GCNT3: variants seen among roughly 807,000 people sequenced by gnomAD.
GCNT3 encodes glucosaminyl (N-acetyl) transferase 3, mucin type.
For synonymous variants in GCNT3, 269 were observed against 195.2 expected (o/e 1.38, Z -3.15); for missense variants, 708 against 530.3 (o/e 1.34, Z -3.29).
chr15:59,614,539 C>G (rs1316173874), intron 1 of GCNT3, among the ~76,000 whole-genome samples: 1 of 152,178 alleles, frequency 6.6e-6, no homozygotes, highest in Non-Finnish European at 1.5e-5. Flanking sequence ...ATTCATGCCT[C>G]CCCCTTTTAG....
chr15:59,617,514 G>T (rs1218333838), intron 2 of GCNT3, among the ~76,000 whole-genome samples: 3 of 152,040 alleles, frequency 2.0e-5, no homozygotes, highest in African/African-American at 4.8e-5. Context: ...CCCACAAAAG[G>T]TACTCATTAA....
At position 59,618,733 on chromosome 15, in the gene GCNT3, T is replaced by C. The variant is rs746705657; in HGVS notation, c.495T>C (p.Asp165=). 6.2e-7 allele frequency: 1 copy of C among 1,614,214 alleles called. No individual in the cohort carries two copies. The highest frequency in any genetic ancestry group is 8.5e-7 in the Non-Finnish European group (1 of 1,180,022). Residue 165 remains aspartate, a synonymous_variant, in exon 3 of 3, where the codon GAT becomes GAC. Transcript: ENST00000396065. ...APQNIYCVHV[D]EKSPETFKEA... is the part of the protein sequence containing the mutation. ...AGAACATATACTGTGTCCATGTGGA[T>C]GAGAAGTCCCCAGAAACTTTCAAAG...
rs1287504941 is a variant in GCNT3 at position 59,616,896 on chromosome 15, C to A, written c.-61+15C>A. On this transcript the variant is annotated intron_variant, in intron 2 of 2. Coordinates refer to ENST00000396065, the MANE Select transcript of GCNT3 (RefSeq NM_004751.3). ...AGCTACTAAAGGTGAGAATTTTCTT[C>A]ATTTTTCATTTTCCTTCCTCTTAGA... 6.6e-6 allele frequency: 1 copy of A among 152,084 alleles called. No individual in the cohort carries two copies. Among genetic ancestry groups the A allele is most frequent in the East Asian group, 1.9e-4 (1 of 5,182 alleles). 9.4% of individuals were successfully genotyped at this position (152,084 alleles called of 1,614,324 possible).
rs1430385604 is a variant in GCNT3, at chr15:59,621,924, A to T, written c.*2369A>T. ...CTTTCTGAGTGTTGTCATTCAATTCATCAAGTTTTCTGTCATGATCAACTT... is the reference window on the plus strand; with the variant it reads ...CTTTCTGAGTGTTGTCATTCAATTCTTCAAGTTTTCTGTCATGATCAACTT... On this transcript the variant is annotated 3_prime_UTR_variant, in exon 3 of 3. Coordinates refer to ENST00000396065, the MANE Select transcript of GCNT3 (RefSeq NM_004751.3). The T allele has an allele frequency of 6.6e-6, 1 of 151,734 alleles. No homozygotes were observed. The highest frequency in any genetic ancestry group is 2.4e-5 in the African/African-American group (1 of 41,286). The allele number at this position is 151,734 out of a possible 1,614,324, so 9.4% of individuals were successfully genotyped here. A position where few individuals can be genotyped will look rare whatever the true frequency, so the allele number is the denominator to read the frequency against.
Position 59,620,290 on chromosome 15 carries a change from C to T in GCNT3, c.*735C>T, listed in dbSNP as rs2082741715. 1 of 163,246 alleles carries T rather than the reference C, an allele frequency of 6.1e-6. No homozygotes were observed. The highest frequency in any genetic ancestry group is 2.4e-5 in the African/African-American group (1 of 41,442). The allele number at this position is 163,246 out of a possible 1,614,324, so 10.1% of individuals were successfully genotyped here. A position where few individuals can be genotyped will look rare whatever the true frequency, so the allele number is the denominator to read the frequency against. On this transcript the variant is annotated 3_prime_UTR_variant, in exon 3 of 3. Transcript: ENST00000396065. ...TCAAGCGATACTCCCACCTCAGCCT[C>T]CTGAGTAGCTGGGACTACAGGCATG...
In GCNT3 at chr15:59,619,619, C is replaced by A; in HGVS notation, c.*64C>A. 1 of 1,084,952 alleles carries A rather than the reference C, an allele frequency of 9.2e-7. No individual in the cohort carries two copies. The highest frequency in any genetic ancestry group is 1.6e-5 in the African/African-American group (1 of 64,268). 67.2% of individuals were successfully genotyped at this position (1,084,952 alleles called of 1,614,324 possible). The stretch of plus-strand genomic sequence containing the variant: ...CATGTACAAACATGCTCAGAACTTG[C>A]TGGGACAGTGTGGGTGGGAGACCAG... On this transcript the variant is annotated 3_prime_UTR_variant, in exon 3 of 3. Transcript: ENST00000396065.
Position 59,619,573 on chromosome 15 carries a change from T to C in GCNT3, c.*18T>C. ...AACTTTGAGACACACTATGAGAGCG[T>C]TGCTACCTGTGGGGCAAGAGCATGT... On this transcript the variant is annotated 3_prime_UTR_variant, in exon 3 of 3. Coordinates refer to ENST00000396065, the MANE Select transcript of GCNT3 (RefSeq NM_004751.3). 5 of 1,455,678 alleles carry C rather than the reference T, an allele frequency of 3.4e-6. No individual in the cohort carries two copies. Among genetic ancestry groups the C allele is most frequent in the Non-Finnish European group, 4.8e-6 (5 of 1,051,848 alleles). The allele number at this position is 1,455,678 out of a possible 1,614,324, so 90.2% of individuals were successfully genotyped here.
intron 1 of GCNT3, among the ~76,000 whole-genome samples, chr15:59,612,524 G>A (rs1410244688): frequency 6.6e-6 from 1 of 152,158 alleles, no homozygotes; most frequent in Non-Finnish European, 1.5e-5. Flanking sequence ...GCATCATCTG[G>A]CTGTACCTTT....
At chr15:59,618,096 A>T (rs2082727891) in intron 2 of GCNT3, 83 bp from the exon 3 acceptor site, 1 of 573,946 alleles carries the variant, frequency 1.7e-6, no homozygotes, top group African/African-American at 1.8e-5. Flanking sequence ...GGTAAGAAAT[A>T]TTTTTTGCCA....
At position 59,620,254 on chromosome 15, in the gene GCNT3, G is replaced by C. The variant is rs1413062376; in HGVS notation, c.*699G>C. On this transcript the variant is annotated 3_prime_UTR_variant, in exon 3 of 3. Coordinates refer to ENST00000396065, the MANE Select transcript of GCNT3 (RefSeq NM_004751.3). ...GCAATCTCAGTTCACTGCAACCTCC[G>C]CCTCCCAGGTTCAAGCGATACTCCC... The C allele has an allele frequency of 1.2e-5, 2 of 162,214 alleles. No homozygotes were observed. Among genetic ancestry groups the C allele is most frequent in the African/African-American group, 4.8e-5 (2 of 41,376 alleles). The allele number at this position is 162,214 out of a possible 1,614,324, so 10.0% of individuals were successfully genotyped here. A position where few individuals can be genotyped will look rare whatever the true frequency, so the allele number is the denominator to read the frequency against.
At position 59,619,115 on chromosome 15, in the gene GCNT3, T is replaced by A. The variant is rs2082734797; in HGVS notation, c.877T>A (p.Phe293Ile). 2 of 1,614,076 alleles carry A rather than the reference T, an allele frequency of 1.2e-6. No homozygotes were observed. Among genetic ancestry groups the A allele is most frequent in the East Asian group, 4.5e-5 (2 of 44,886 alleles). ...KDPPPYNLTM[F>I]TGNAYIVASR... The stretch of plus-strand genomic sequence containing the variant: ...TCCTCCCCCTTATAATTTAACTATG[T>A]TTACAGGGAATGCGTACATTGTGGC... The change falls in exon 3 of 3, where the codon TTT becomes ATT. Residue 293 changes from phenylalanine to isoleucine, a missense_variant. By Grantham distance (21) the Phe-to-Ile change is conservative. Transcript: ENST00000396065.
In GCNT3 at chr15:59,621,341, A is replaced by C. The variant is rs533565230; in HGVS notation, c.*1786A>C. 6.6e-6 allele frequency: 1 copy of C among 152,164 alleles called. No individual in the cohort carries two copies. Among genetic ancestry groups the C allele is most frequent in the Non-Finnish European group, 1.5e-5 (1 of 68,006 alleles). 9.4% of individuals were successfully genotyped at this position (152,164 alleles called of 1,614,324 possible). ...CACACATACAGCACGCTACCTCCCA[A>C]GTGTTACCTAGTGAAACAGTTTCCT... is the stretch of plus-strand genomic sequence containing the variant. On this transcript the variant is annotated 3_prime_UTR_variant, in exon 3 of 3. Transcript: ENST00000396065.
chr15:59,618,974 T>A lies in GCNT3; in HGVS notation c.736T>A (p.Leu246Met). The change falls in exon 3 of 3, where the codon TTG (leucine) becomes ATG (methionine). Residue 246 changes from leucine to methionine, a missense_variant. Physicochemically the swap from Leu to Met is conservative, Grantham distance 15 (BLOSUM62 2). Transcript: ENST00000396065. ...NAEMVQALKM[L>M]NGRNSMESEV... is the part of the protein sequence containing the mutation. ...AGAGATGGTCCAGGCTCTCAAGATG[T>A]TGAATGGGAGGAATAGCATGGAGTC... is the stretch of plus-strand genomic sequence containing the variant. 1 of 1,613,976 alleles carries A rather than the reference T, an allele frequency of 6.2e-7. No individual in the cohort carries two copies. The highest frequency in any genetic ancestry group is 8.5e-7 in the Non-Finnish European group (1 of 1,179,976).
Position 59,619,093 on chromosome 15 carries a change from T to TC in GCNT3, c.860dup (p.Tyr288LeufsTer2), listed in dbSNP as rs745802552. 2.5e-6 allele frequency: 4 copies of TC among 1,612,246 alleles called. No individual in the cohort carries two copies. Among genetic ancestry groups the TC allele is most frequent in the Non-Finnish European group, 2.5e-6 (3 of 1,178,350 alleles). ...ACCTAACCAACAAGAAGAAGGATCC[T>TC]CCCCCTTATAATTTAACTATGTTTA... On this transcript the variant is annotated frameshift_variant, in exon 3 of 3. Coordinates refer to ENST00000396065, the MANE Select transcript of GCNT3 (RefSeq NM_004751.3). LOFTEE classifies it low-confidence loss of function (END_TRUNC).
chr15:59,619,085 A>G lies in GCNT3; in HGVS notation c.847A>G (p.Lys283Glu), dbSNP rs2082734621. 6.2e-7 allele frequency: 1 copy of G among 1,614,078 alleles called. No individual in the cohort carries two copies. Among genetic ancestry groups the G allele is most frequent in the Non-Finnish European group, 8.5e-7 (1 of 1,179,960 alleles). The change falls in exon 3 of 3, where the codon AAG becomes GAG. Residue 283 changes from lysine (K) to glutamate (E), a missense_variant. Transcript: ENST00000396065. ...CACATTACACCTAACCAACAAGAAG[A>G]AGGATCCTCCCCCTTATAATTTAAC... is the stretch of plus-strand genomic sequence containing the variant. ...RDTLHLTNKKKDPPPYNLTMF... is the reference protein window; with the variant it reads ...RDTLHLTNKKEDPPPYNLTMF...
chr15:59,613,351 T>A (rs2082704681), intron 1 of GCNT3, among the ~76,000 whole-genome samples: 1 of 151,992 alleles, frequency 6.6e-6, no homozygotes, highest in African/African-American at 2.4e-5. Context: ...CACGATTTCT[T>A]AATGTGTTAT....
chr15:59,613,066 G>T (rs2082703509), intron 1 of GCNT3, among the ~76,000 whole-genome samples: 1 of 151,920 alleles, frequency 6.6e-6, no homozygotes, highest in Non-Finnish European at 1.5e-5. Context: ...CTTCACTGAG[G>T]GGCTGTAAGT....
chr15:59,619,133 A>G lies in GCNT3; in HGVS notation c.895A>G (p.Ile299Val), dbSNP rs766620345. 1.2e-6 allele frequency: 2 copies of G among 1,614,154 alleles called. No individual in the cohort carries two copies. The highest frequency in any genetic ancestry group is 1.7e-6 in the Non-Finnish European group (2 of 1,180,016). The change falls in exon 3 of 3, where the codon ATT becomes GTT. Residue 299 changes from isoleucine (I) to valine (V), a missense_variant. Physicochemically the swap from Ile to Val is conservative, Grantham distance 29. Transcript: ENST00000396065. Reference sequence around the variant, plus strand: ...AACTATGTTTACAGGGAATGCGTACATTGTGGCTTCCCGAGATTTCGTCCA... The same window carrying G: ...AACTATGTTTACAGGGAATGCGTACGTTGTGGCTTCCCGAGATTTCGTCCA... ...NLTMFTGNAY[I>V]VASRDFVQHV... is the part of the protein sequence containing the mutation.
rs1292746710 is a variant in GCNT3, at chr15:59,619,964, C to G, written c.*409C>G. 5.6e-6 allele frequency: 1 copy of G among 179,268 alleles called. No individual in the cohort carries two copies. The highest frequency in any genetic ancestry group is 2.4e-5 in the African/African-American group (1 of 41,670). The allele number at this position is 179,268 out of a possible 1,614,324, so 11.1% of individuals were successfully genotyped here. A position where few individuals can be genotyped will look rare whatever the true frequency, so the allele number is the denominator to read the frequency against. On this transcript the variant is annotated 3_prime_UTR_variant, in exon 3 of 3. Coordinates refer to ENST00000396065, the MANE Select transcript of GCNT3 (RefSeq NM_004751.3). The stretch of plus-strand genomic sequence containing the variant: ...AGAACTTTGATGGAAAGAGAACCTT[C>G]CCTTCTGTACTGTTAACTTAAAAAT...
Sources: allele counts gnomAD v4.1 joint callset (sites outside exome capture counted in the v4.1 genomes callset), GRCh38; gene constraint gnomAD v4.1.1; transcripts MANE v1.5; gene names NCBI Gene and HGNC (gene_info 2026-07-23, HGNC 2026-07-21).